The following PCDHA2 variants were observed in gnomAD, a reference collection of about 807,000 sequenced individuals.
PCDHA2 encodes the protein protocadherin alpha-2.
A neutral mutation model predicts 66.0 loss-of-function variants in PCDHA2; 58 were observed. The ratio of observed to expected loss-of-function variants is 0.88; its 90% CI spans 0.71 to 1.09. PCDHA2 has a LOEUF of 1.09. Ranked by LOEUF, PCDHA2 falls within the 50% of genes least tolerant of loss-of-function variation. The pLI is 0.00. For synonymous variants in PCDHA2, 634 were observed against 554.0 expected, an observed-to-expected ratio of 1.14 and a Z score of -2.03; for missense variants, 1,267 against 1,242.3, an observed-to-expected ratio of 1.02 and a Z score of -0.30.
chr5:140,831,520 CTTT>C (rs2150195630), intron 1 of PCDHA2, among the ~76,000 whole-genome samples: 2,202 of 122,358 alleles, frequency 0.018, 60 homozygotes, highest in African/African-American at 0.054. Context: ...TGCCCCCCAC[CTTT>C]TTTTTTTTTT....
chr5:140,918,632 C>A (rs1182828125), intron 1 of PCDHA2, among the ~76,000 whole-genome samples: 1 of 152,164 alleles, frequency 6.6e-6, no homozygotes, highest in Non-Finnish European at 1.5e-5. Flanking sequence ...TCCCCAAATT[C>A]ATAAATTGAA....
intron 1 of PCDHA2, chr5:140,828,223 C>A (rs1417761655): frequency 1.2e-6 from 2 of 1,613,878 alleles, no homozygotes; most frequent in African/African-American, 2.7e-5. Context: ...ACGGCACCTT[C>A]GTGGGCCGGA....
rs2096720992 is a variant in PCDHA2 at position 140,976,533 on chromosome 5, A to G, written c.2389-2416A>G. 2.0e-5 allele frequency among the ~76,000 whole-genome samples: 3 copies of G among 152,170 alleles called. No homozygotes were observed. In the South Asian group the frequency reaches 6.2e-4, roughly 32 times the overall value. Reference sequence around the variant, plus strand: ...GCCACTGCACACCAGCCTAAATGACAGAGTAAGACCCTATCTCATAAATAA... The same window carrying G: ...GCCACTGCACACCAGCCTAAATGACGGAGTAAGACCCTATCTCATAAATAA... On this transcript the variant is annotated intron_variant, in intron 1 of 3. Coordinates refer to ENST00000526136, the MANE Select transcript of PCDHA2 (RefSeq NM_018905.3).
intron 1 of PCDHA2, among the ~76,000 whole-genome samples, chr5:140,965,384 A>C (rs1275113616): frequency 6.6e-6 from 1 of 152,222 alleles, no homozygotes; most frequent in Non-Finnish European, 1.5e-5. Flanking sequence ...GGGACACAGA[A>C]GAACAGAAGT....
intron 1 of PCDHA2, among the ~76,000 whole-genome samples, chr5:140,901,437 C>G (rs1554189835): frequency 1.3e-5 from 2 of 152,132 alleles, no homozygotes; most frequent in Non-Finnish European, 2.9e-5. Flanking sequence ...ATATGGATAT[C>G]TAGTTTCCCA....
intron 1 of PCDHA2, chr5:140,869,913 C>G: frequency 6.2e-7 from 1 of 1,610,754 alleles, no homozygotes; most frequent in Non-Finnish European, 8.5e-7. Flanking sequence ...CAGACCGAGA[C>G]GAAGGAGTCA....
intron 1 of PCDHA2, among the ~76,000 whole-genome samples, chr5:140,918,149 A>G (rs2078550151): frequency 1.3e-5 from 2 of 151,946 alleles, no homozygotes; most frequent in African/African-American, 4.8e-5. Flanking sequence ...CTTTTTGTGT[A>G]TGTCTATTGT....
intron 1 of PCDHA2, chr5:140,843,910 G>A (rs2150367527): frequency 2.4e-5 from 15 of 636,386 alleles, no homozygotes; most frequent in Non-Finnish European, 3.7e-5. Flanking sequence ...CACAAGTTGG[G>A]TCTATCTTGA....
At chr5:140,901,181 G>A (rs2068491755) in intron 1 of PCDHA2, among the ~76,000 whole-genome samples, 1 of 152,010 alleles carries the variant, frequency 6.6e-6, no homozygotes, top group African/African-American at 2.4e-5. Flanking sequence ...TTTGTTGATT[G>A]TTTGCTTTTC....
intron 3 of PCDHA2, among the ~76,000 whole-genome samples, chr5:140,987,333 T>C (rs1470731690): frequency 6.6e-6 from 1 of 152,158 alleles, no homozygotes; most frequent in East Asian, 1.9e-4. Context: ...TAAGAACTGG[T>C]CTAAGGTAAA....
intron 1 of PCDHA2, among the ~76,000 whole-genome samples, chr5:140,899,689 C>A (rs1033793263): frequency 4.6e-5 from 7 of 152,254 alleles, no homozygotes; most frequent in Admixed American, 4.6e-4. Flanking sequence ...ATGATGCTGG[C>A]CTCATAAAAT....
chr5:140,902,142 A>T (rs2069127125), intron 1 of PCDHA2, among the ~76,000 whole-genome samples: 1 of 151,120 alleles, frequency 6.6e-6, no homozygotes, highest in African/African-American at 2.4e-5. Flanking sequence ...GCAAACAAGG[A>T]TAATTTGATT....
chr5:140,862,713 C>T, intron 1 of PCDHA2: 1 of 561,970 alleles, frequency 1.8e-6, no homozygotes. Flanking sequence ...AGCGGGTGGG[C>T]GAGTGCGCGC....
intron 1 of PCDHA2, chr5:140,861,384 C>G (rs1354784257): frequency 2.5e-5 from 11 of 437,330 alleles, no homozygotes; most frequent in African/African-American, 2.2e-4. Context: ...TGCGCAGGAC[C>G]TGGGTCTGGA....
At chr5:140,902,974 A>T (rs1291767760) in intron 1 of PCDHA2, among the ~76,000 whole-genome samples, 1 of 152,178 alleles carries the variant, frequency 6.6e-6, no homozygotes, top group African/African-American at 2.4e-5. Context: ...ATGGGCATTT[A>T]GGTTGGTTCC....
chr5:140,958,116 T>G (rs2095410051), intron 1 of PCDHA2, among the ~76,000 whole-genome samples: 1 of 152,060 alleles, frequency 6.6e-6, no homozygotes, highest in African/African-American at 2.4e-5. Context: ...TGGTTCCATT[T>G]TGTAAAATGT....
chr5:140,922,342 A>G (rs1256854965), intron 1 of PCDHA2, among the ~76,000 whole-genome samples: 2 of 152,184 alleles, frequency 1.3e-5, no homozygotes, highest in East Asian at 3.8e-4. Flanking sequence ...GTATATTGGT[A>G]TTTTCTAGAG....
rs1243853436 is a variant in PCDHA2, at chr5:140,900,308, A to G, written c.2389-78641A>G. ...CTTTTCTGTTTTTTTAGACAGTCTC[A>G]CTTTTGTCGCCCAGGCTGGAGTACC... On this transcript the variant is annotated intron_variant, in intron 1 of 3. Transcript: ENST00000526136. 1.3e-4 allele frequency among the ~76,000 whole-genome samples: 19 copies of G among 149,982 alleles called. No individual in the cohort carries two copies. The East Asian group carries it at 3.9e-3, about 31-fold the overall frequency.
chr5:140,878,848 G>T (rs1477391344), intron 1 of PCDHA2, among the ~76,000 whole-genome samples: 1 of 152,138 alleles, frequency 6.6e-6, no homozygotes, highest in Non-Finnish European at 1.5e-5. Context: ...GAACTTCTGG[G>T]TTCAACTGAT....
Sources: gnomAD v4.1 joint callset for allele counts (sites outside exome capture counted in the v4.1 genomes callset) on GRCh38, gnomAD v4.1.1 for gene constraint, MANE v1.5 for transcripts, NCBI Gene and HGNC (gene_info 2026-07-23, HGNC 2026-07-21) for gene names.